OXR1: variants seen among roughly 807,000 people sequenced by gnomAD.
OXR1 encodes the protein oxidation resistance 1.
In OXR1, 41 loss-of-function variants were observed where a neutral mutation model predicts 104.6. That is an observed-to-expected ratio of 0.39 (90% CI 0.31 to 0.51). The LOEUF is 0.51. Among genes scored for constraint, OXR1 ranks in the 20% least tolerant of loss-of-function variants. OXR1 has a pLI of 0.77. For synonymous variants in OXR1, 348 were observed against 348.4 expected (o/e 1.00, Z 0.01); for missense variants, 955 against 1,031.9 (o/e 0.93, Z 1.02).
At chr8:106,570,937 G>C (rs1817427839) in intron 3 of OXR1, among the ~76,000 whole-genome samples, 1 of 151,996 alleles carries the variant, frequency 6.6e-6, no homozygotes, top group South Asian at 2.1e-4. Context: ...TTCTATACCA[G>C]TAATGCAGCT....
At chr8:106,280,160 T>A (rs116579025) in intron 1 of OXR1, among the ~76,000 whole-genome samples, 4 of 152,162 alleles carry the variant, frequency 2.6e-5, no homozygotes, top group African/African-American at 7.2e-5. Flanking sequence ...CAGAAACTTG[T>A]TTTAGTGATC....
chr8:106,553,680 T>C (rs1816048456), intron 3 of OXR1, among the ~76,000 whole-genome samples: 1 of 152,094 alleles, frequency 6.6e-6, no homozygotes, highest in Non-Finnish European at 1.5e-5. Context: ...ACCAAAACAT[T>C]ATATAATACT....
At chr8:106,396,020 G>T (rs1168617947) in intron 2 of OXR1, among the ~76,000 whole-genome samples, 3 of 151,990 alleles carry the variant, frequency 2.0e-5, no homozygotes, top group African/African-American at 7.3e-5. Flanking sequence ...ATAGAATAGT[G>T]CTAGTTTACA....
intron 3 of OXR1, among the ~76,000 whole-genome samples, chr8:106,597,383 G>A (rs1295169542): frequency 6.6e-6 from 1 of 152,068 alleles, no homozygotes; most frequent in African/African-American, 2.4e-5. Flanking sequence ...CTTGATCTTG[G>A]AATTCTCAGC....
intron 2 of OXR1, among the ~76,000 whole-genome samples, chr8:106,482,945 A>G (rs1000971379): frequency 6.6e-5 from 10 of 152,070 alleles, no homozygotes; most frequent in African/African-American, 2.4e-4. Context: ...TACTATGAAG[A>G]TAAAATAATC....
chr8:106,512,816 A>T (rs1189209854), intron 2 of OXR1, among the ~76,000 whole-genome samples: 15 of 152,140 alleles, frequency 9.9e-5, no homozygotes, highest in Admixed American at 9.8e-4. Context: ...AGACAAAAAA[A>T]GTAAGACAAG....
chr8:106,429,189 C>A (rs1004632501), intron 2 of OXR1, among the ~76,000 whole-genome samples: 2 of 152,102 alleles, frequency 1.3e-5, no homozygotes, highest in South Asian at 4.1e-4. Flanking sequence ...TGTTCCCCAG[C>A]TTGAAATTCG....
intron 1 of OXR1, among the ~76,000 whole-genome samples, chr8:106,316,770 A>ATCTATCTATCTATCTG (rs1197356309): frequency 6.8e-6 from 1 of 147,162 alleles, no homozygotes; most frequent in Admixed American, 6.8e-5. Flanking sequence ...CTATCTATCT[A>ATCTATCTATCTATCTG]TCTATTGCTC....
intron 3 of OXR1, chr8:106,658,001 G>A: frequency 8.8e-6 from 11 of 1,248,406 alleles, no homozygotes; most frequent in East Asian, 3.2e-5. Context: ...ACTACCTGAC[G>A]ACGTTCACCG....
intron 7 of OXR1, among the ~76,000 whole-genome samples, chr8:106,694,872 TAA>T (rs1491521788): frequency 4.2e-5 from 4 of 94,726 alleles, no homozygotes; most frequent in South Asian, 5.8e-4. Flanking sequence ...CATTTATATA[TAA>T]TATATATATT....
At chr8:106,376,373 G>A (rs78233359) in intron 2 of OXR1, among the ~76,000 whole-genome samples, 2,266 of 152,110 alleles carry the variant, frequency 0.015, 64 homozygotes, top group African/African-American at 0.051. Flanking sequence ...TGACATTGAC[G>A]GGGGATTTCC....
At chr8:106,383,012 G>C (rs17252510) in intron 2 of OXR1, among the ~76,000 whole-genome samples, 3 of 151,282 alleles carry the variant, frequency 2.0e-5, no homozygotes, top group Non-Finnish European at 4.4e-5. Context: ...TGTAACCCTG[G>C]GTGCCTGGAA....
intron 2 of OXR1, among the ~76,000 whole-genome samples, chr8:106,506,922 G>A (rs1318067661): frequency 1.3e-5 from 2 of 150,924 alleles, no homozygotes; most frequent in Non-Finnish European, 2.9e-5. Flanking sequence ...GAGACCCTGT[G>A]TCTTCCAGAA....
chr8:106,416,250 C>T (rs16874557), intron 2 of OXR1, among the ~76,000 whole-genome samples: 3,224 of 152,126 alleles, frequency 0.021, 64 homozygotes, highest in East Asian at 0.083. Context: ...GATCAGATCA[C>T]GGCTAATTGT....
chr8:106,701,262 C>T (rs1350317437), intron 7 of OXR1, among the ~76,000 whole-genome samples: 2 of 152,212 alleles, frequency 1.3e-5, no homozygotes, highest in Non-Finnish European at 2.9e-5. Context: ...CCAAACTGCA[C>T]ACACACATAT....
intron 3 of OXR1, among the ~76,000 whole-genome samples, chr8:106,545,047 C>T (rs928293463): frequency 5.9e-5 from 9 of 152,212 alleles, no homozygotes; most frequent in Admixed American, 3.3e-4. Flanking sequence ...AAAGCGGTCC[C>T]GTGCACTACA....
At chr8:106,566,756 G>A (rs564612050) in intron 3 of OXR1, among the ~76,000 whole-genome samples, 1 of 152,278 alleles carries the variant, frequency 6.6e-6, no homozygotes, top group Non-Finnish European at 1.5e-5. Flanking sequence ...TAAAGAAAAC[G>A]TGGCACATAT....
intron 11 of OXR1, among the ~76,000 whole-genome samples, chr8:106,727,669 C>T (rs1204845343): frequency 6.6e-6 from 1 of 152,158 alleles, no homozygotes; most frequent in African/African-American, 2.4e-5. Flanking sequence ...AGGAGATCTA[C>T]CTGCCTTGGC....
At chr8:106,580,521 G>T (rs895868979) in intron 3 of OXR1, among the ~76,000 whole-genome samples, 1 of 152,196 alleles carries the variant, frequency 6.6e-6, no homozygotes, top group Non-Finnish European at 1.5e-5. Context: ...GAATAGTGCT[G>T]CTGTGAACAT....
Sources: allele counts gnomAD v4.1 joint callset (sites outside exome capture counted in the v4.1 genomes callset), GRCh38; gene constraint gnomAD v4.1.1; transcripts MANE v1.5; gene names NCBI Gene and HGNC (gene_info 2026-07-23, HGNC 2026-07-21).